Variants in CEP250 observed in about 807,000 individuals in gnomAD.
The protein encoded by CEP250 is centrosome-associated protein CEP250.
CEP250 carries 242 observed loss-of-function variants against 315.7 expected under a neutral mutation model. The ratio of observed to expected loss-of-function variants is 0.77; its 90% CI spans 0.69 to 0.85. The LOEUF (loss-of-function observed/expected upper bound fraction) is 0.85. Among genes scored for constraint, CEP250 ranks in the 40% least tolerant of loss-of-function variants. CEP250 has a pLI of 0.00. For missense variants in CEP250, 2,515 were observed against 2,886.4 expected, an observed-to-expected ratio of 0.87 and a Z score of 2.95; for synonymous variants, 1,088 against 1,175.0, an observed-to-expected ratio of 0.93 and a Z score of 1.51.
At chr20:35,485,933 G>T (rs1359104254) in intron 20 of CEP250, among the ~76,000 whole-genome samples, 3 of 150,374 alleles carry the variant, frequency 2.0e-5, no homozygotes, top group Non-Finnish European at 3.0e-5. Context: ...AAGTGCTGGG[G>T]ATTACAGGCG....
chr20:35,471,362 G>A (rs2063019780), intron 10 of CEP250, among the ~76,000 whole-genome samples: 1 of 152,198 alleles, frequency 6.6e-6, no homozygotes, highest in African/African-American at 2.4e-5. Context: ...TCGTTTCCAT[G>A]TAGGAATGGG....
rs574852392 is a variant in CEP250, at chr20:35,505,622, G to A, written c.6636+617G>A. Among the ~76,000 whole-genome samples the A allele has an allele frequency of 6.2e-4, 87 of 140,948 alleles. 3 individuals carry two copies. The highest frequency in any genetic ancestry group is 2.6e-4 in the Non-Finnish European group (17 of 66,058). The allele number at this position is 140,948 out of a possible 152,430, so 92.5% of individuals were successfully genotyped here. A position where few individuals can be genotyped will look rare whatever the true frequency, so the allele number is the denominator to read the frequency against. ...GAGCCGAGATCGCACCATTGCACTC[G>A]AGCCTGGGCAAAGAAACGAGACTCC... is the stretch of plus-strand genomic sequence containing the variant. On this transcript the variant is annotated intron_variant, in intron 30 of 34. Coordinates refer to ENST00000397527, the MANE Select transcript of CEP250 (RefSeq NM_007186.6).
At chr20:35,488,323 A>G (rs920859168) in intron 20 of CEP250, among the ~76,000 whole-genome samples, 1 of 152,214 alleles carries the variant, frequency 6.6e-6, no homozygotes, top group African/African-American at 2.4e-5. Flanking sequence ...CCACTGAGCT[A>G]TACCCGCTGT....
chr20:35,467,179 G>GGGGGGGGGGGCCCCCCCCC, intron 8 of CEP250, 107 bp downstream of exon 8: 1 of 534,784 alleles, frequency 1.9e-6, no homozygotes, highest in Non-Finnish European at 3.5e-6. Context: ...GGTGGGTGGG[G>GGGGGGGGGGGCCCCCCCCC]GAGTTGGTAG....
At chr20:35,475,035 CT>C (rs2063130742) in intron 14 of CEP250, among the ~76,000 whole-genome samples, 1 of 152,066 alleles carries the variant, frequency 6.6e-6, no homozygotes, top group Non-Finnish European at 1.5e-5. Context: ...CAGACAACCC[CT>C]AACAACAAAA....
intron 16 of CEP250, 47 bp downstream of exon 16, chr20:35,476,642 T>A (rs776963743): frequency 1.7e-5 from 27 of 1,569,000 alleles, no homozygotes; most frequent in Non-Finnish European, 2.2e-5. Context: ...GGGCCCTAAC[T>A]GAGAGCAAGA....
At chr20:35,508,782 G>A (rs2064270201) in intron 32 of CEP250, among the ~76,000 whole-genome samples, 161 bp from the exon 33 acceptor site, 1 of 152,146 alleles carries the variant, frequency 6.6e-6, no homozygotes, top group Admixed American at 6.5e-5. Flanking sequence ...TCTTTGCACT[G>A]AGGCCTGCCC....
At chr20:35,501,375 G>C (rs1185852126) in intron 28 of CEP250, among the ~76,000 whole-genome samples, 1 of 152,122 alleles carries the variant, frequency 6.6e-6, no homozygotes, top group Non-Finnish European at 1.5e-5. Context: ...CTTGGGTCTG[G>C]GCCTTTTTTG....
At chr20:35,474,800 T>TG (rs1465361630) in intron 14 of CEP250, 3 of 470,990 alleles carry the variant, frequency 6.4e-6, no homozygotes, top group Non-Finnish European at 1.3e-5. Flanking sequence ...GAAGGGTTGC[T>TG]GGGAAGATGA....
At position 35,467,371 on chromosome 20, in the gene CEP250, T is replaced by C. The variant is rs2062910736; in HGVS notation, c.667T>C (p.Leu223=). 1 of 1,614,138 alleles carries C rather than the reference T, an allele frequency of 6.2e-7. No individual in the cohort carries two copies. The highest frequency in any genetic ancestry group is 1.7e-5 in the Admixed American group (1 of 60,022). The change falls in exon 9 of 35, where the codon TTG becomes CTG. Residue 223 remains leucine, a synonymous_variant. Coordinates refer to ENST00000397527, the MANE Select transcript of CEP250 (RefSeq NM_007186.6). ...GTCTCTGTTGACCTGTTGTCTGCGCTTGACTGTGGGAGCACAGTCTCGGGA... is the reference window on the plus strand; with the variant it reads ...GTCTCTGTTGACCTGTTGTCTGCGCCTGACTGTGGGAGCACAGTCTCGGGA... ...SGSLLTCCLR[L]TVGAQSREPN...
intron 5 of CEP250, 79 bp from the exon 6 acceptor site, chr20:35,465,664 C>T: frequency 1.0e-6 from 1 of 978,896 alleles, no homozygotes; most frequent in Non-Finnish European, 1.5e-6. Flanking sequence ...AGTGGACTGC[C>T]ATGGAAGGGA....
At chr20:35,473,615 C>G in intron 13 of CEP250, 63 bp downstream of exon 13, 1 of 1,472,872 alleles carries the variant, frequency 6.8e-7, no homozygotes, top group Non-Finnish European at 9.1e-7. Flanking sequence ...CACCATCCAG[C>G]CATTTACCCA....
intron 20 of CEP250, among the ~76,000 whole-genome samples, chr20:35,486,741 G>A (rs2063524937): frequency 6.6e-6 from 1 of 152,172 alleles, no homozygotes; most frequent in South Asian, 2.1e-4. Flanking sequence ...TTTGTAATTT[G>A]ATTGTTATTA....
chr20:35,504,023 T>C lies in CEP250; in HGVS notation c.5654T>C (p.Leu1885Pro), dbSNP rs1601302011. 3 of 1,607,724 alleles carry C rather than the reference T, an allele frequency of 1.9e-6. No individual in the cohort carries two copies. Among genetic ancestry groups the C allele is most frequent in the Non-Finnish European group, 2.6e-6 (3 of 1,176,452 alleles). Residue 1885 changes from leucine (L) to proline (P), a missense_variant, in exon 30 of 35, where the codon CTG (leucine) becomes CCG (proline). Transcript: ENST00000397527. ...LAVEGRRVQA[L>P]EEVLGDLRAE... is the part of the protein sequence containing the mutation. ...GTGGAGGGACGGCGGGTCCAGGCCC[T>C]GGAGGAGGTGCTGGGAGACCTAAGG...
chr20:35,500,976 A>T (rs1443134269), intron 28 of CEP250, among the ~76,000 whole-genome samples: 1 of 152,138 alleles, frequency 6.6e-6, no homozygotes, highest in African/African-American at 2.4e-5. Context: ...TTTGTCATCC[A>T]TGTTACTTAT....
chr20:35,492,759 G>A (rs1362018780), intron 22 of CEP250, among the ~76,000 whole-genome samples: 3 of 152,276 alleles, frequency 2.0e-5, no homozygotes, highest in East Asian at 3.9e-4. Context: ...ACTGAGTCTC[G>A]CTCTGTCACC....
chr20:35,505,174 CAG>C (rs1418461597), intron 30 of CEP250, among the ~76,000 whole-genome samples, 169 bp downstream of exon 30: 1 of 152,172 alleles, frequency 6.6e-6, no homozygotes, highest in East Asian at 1.9e-4. Context: ...TCGGGAGATA[CAG>C]AGAGGATAAG....
Position 35,462,261 on chromosome 20 carries a change from C to T in CEP250, c.-103-4C>T. On this transcript the variant is annotated splice_region_variant and splice_polypyrimidine_tract_variant and intron_variant, in intron 3 of 34. Transcript: ENST00000397527. Reference sequence around the variant, plus strand: ...TCCATTTGACTATGTGCTTTGGTCCCCAGTTCAAGAGGAGGTTGAAGTGGC... The same window carrying T: ...TCCATTTGACTATGTGCTTTGGTCCTCAGTTCAAGAGGAGGTTGAAGTGGC... The T allele has an allele frequency of 1.1e-5, 9 of 807,300 alleles. No individual in the cohort carries two copies. Among genetic ancestry groups the T allele is most frequent in the Non-Finnish European group, 1.6e-5 (8 of 512,592 alleles). 50.0% of individuals were successfully genotyped at this position (807,300 alleles called of 1,614,324 possible).
chr20:35,467,586 C>A, intron 9 of CEP250, 31 bp downstream of exon 9: 1 of 1,606,620 alleles, frequency 6.2e-7, no homozygotes, highest in South Asian at 1.1e-5. Flanking sequence ...AAGAAGGGTT[C>A]GCTGAGAGAG....
Sources: allele counts gnomAD v4.1 joint callset (sites outside exome capture counted in the v4.1 genomes callset), GRCh38; gene constraint gnomAD v4.1.1; transcripts MANE v1.5; gene names NCBI Gene and HGNC (gene_info 2026-07-23, HGNC 2026-07-21).